The following CMYA5 variants were observed in gnomAD, a reference collection of about 807,000 sequenced individuals.
CMYA5 encodes cardiomyopathy-associated protein 5.
Under a neutral mutation model 318.9 loss-of-function variants are expected in CMYA5, and 246 were observed. The observed-to-expected ratio is 0.77, with a 90% CI of 0.70 to 0.86. The LOEUF (loss-of-function observed/expected upper bound fraction) is 0.86. Among genes scored for constraint, CMYA5 ranks in the 40% least tolerant of loss-of-function variants. The pLI is 0.00. For synonymous variants in CMYA5, 1,641 were observed against 1,729.5 expected (o/e 0.95, Z 1.27); for missense variants, 4,589 against 4,678.2 (o/e 0.98, Z 0.56).
rs151168892 is a variant in CMYA5, at chr5:79,704,279, G to C, written c.149+14223G>C. Among the ~76,000 whole-genome samples, 62 of 151,848 alleles carry C rather than the reference G, an allele frequency of 4.1e-4. 1 individual carries two copies. The East Asian group carries it at 0.012, about 29-fold the overall frequency. On this transcript the variant is annotated intron_variant, in intron 1 of 12. Coordinates refer to ENST00000446378, the MANE Select transcript of CMYA5 (RefSeq NM_153610.5). ...AGGAATCCCAGAGTGTAGAAGGGTG[G>C]GGAGGTGACAATCCATAGGGAAAGG...
chr5:79,700,043 T>C (rs546226910), intron 1 of CMYA5, among the ~76,000 whole-genome samples: 1 of 152,368 alleles, frequency 6.6e-6, no homozygotes, highest in South Asian at 2.1e-4. Context: ...TCTGAATAAC[T>C]GACTGGAATC....
intron 1 of CMYA5, among the ~76,000 whole-genome samples, chr5:79,713,529 G>A (rs1417494209): frequency 6.6e-6 from 1 of 151,986 alleles, no homozygotes; most frequent in African/African-American, 2.4e-5. Context: ...GGAGAATTTA[G>A]TGGTTGAGTT....
intron 5 of CMYA5, among the ~76,000 whole-genome samples, chr5:79,747,402 A>G (rs1245374251): frequency 6.6e-6 from 1 of 152,228 alleles, no homozygotes; most frequent in Non-Finnish European, 1.5e-5. Flanking sequence ...GTCACTGCAT[A>G]TAGAACATTT....
At chr5:79,770,565 C>T (rs1828836880) in intron 9 of CMYA5, among the ~76,000 whole-genome samples, 4 of 152,172 alleles carry the variant, frequency 2.6e-5, no homozygotes, top group Admixed American at 2.0e-4. Context: ...CCTTGTGCTT[C>T]CCGGGTGAGG....
chr5:79,794,671 A>G (rs1276164537), intron 12 of CMYA5, among the ~76,000 whole-genome samples: 1 of 152,260 alleles, frequency 6.6e-6, no homozygotes, highest in East Asian at 1.9e-4. Context: ...ACGGTAAAGT[A>G]TCATACAAAT....
At chr5:79,704,947 AC>A in intron 1 of CMYA5, among the ~76,000 whole-genome samples, 1 of 152,222 alleles carries the variant, frequency 6.6e-6, no homozygotes, top group African/African-American at 2.4e-5. Context: ...AAGTGCCTTA[AC>A]CCCTTCTTAA....
In CMYA5 at chr5:79,738,321, C is replaced by G. The variant is rs1389174431; in HGVS notation, c.9556C>G (p.Pro3186Ala). 14 of 1,613,418 alleles carry G rather than the reference C, an allele frequency of 8.7e-6. No homozygotes were observed. Among genetic ancestry groups the G allele is most frequent in the Non-Finnish European group, 1.2e-5 (14 of 1,179,768 alleles). Reference protein sequence around the residue: ...KVIDPEFLEEPPALAFLYKDL... With the variant: ...KVIDPEFLEEAPALAFLYKDL... ...CATTGATCCAGAATTTCTGGAGGAG[C>G]CACCTGCACTTGCATTTTTATATAA... The change falls in exon 2 of 13, where the codon CCA (proline) becomes GCA (alanine). Residue 3186 changes from proline (P) to alanine (A), a missense_variant. Physicochemically the swap from Pro to Ala is conservative, Grantham distance 27. This residue lies in a region of CMYA5 where 2,431 missense variants were observed against 2,495.1 expected (regional missense o/e 0.97). Transcript: ENST00000446378.
chr5:79,705,886 G>T (rs910010344), intron 1 of CMYA5, among the ~76,000 whole-genome samples: 11 of 152,118 alleles, frequency 7.2e-5, no homozygotes, highest in Non-Finnish European at 1.6e-4. Flanking sequence ...ACCTGTGGGG[G>T]TAAATGAGAA....
Position 79,734,257 on chromosome 5 carries a change from A to G in CMYA5, c.5492A>G (p.Asp1831Gly). 6.2e-7 allele frequency: 1 copy of G among 1,613,608 alleles called. No individual in the cohort carries two copies. The highest frequency in any genetic ancestry group is 1.1e-5 in the South Asian group (1 of 90,982). ...AAGACAGAAAAAGCACTTCATTCAG[A>G]TCAAACTGTTAAATTACCTGATGTA... Reference protein sequence around the residue: ...QKKTEKALHSDQTVKLPDVST... With the variant: ...QKKTEKALHSGQTVKLPDVST... The change falls in exon 2 of 13, where the codon GAT becomes GGT. Residue 1831 changes from aspartate to glycine, a missense_variant. By Grantham distance (94) the Asp-to-Gly change is moderately conservative. Coordinates refer to ENST00000446378, the MANE Select transcript of CMYA5 (RefSeq NM_153610.5).
chr5:79,777,455 C>A (rs1307726980), intron 9 of CMYA5, among the ~76,000 whole-genome samples: 64 of 152,100 alleles, frequency 4.2e-4, no homozygotes, highest in Non-Finnish European at 1.5e-5. Flanking sequence ...CATATCAATA[C>A]ATATGAAACT....
In CMYA5 at chr5:79,689,944, T is replaced by C. The variant is rs528298061; in HGVS notation, c.37T>C (p.Phe13Leu). ...SRDSNHAGES[F>L]LGSDGDEEAT... ...CGATAGCAACCACGCTGGCGAGAGC[T>C]TTCTCGGCTCCGACGGGGACGAGGA... Residue 13 changes from phenylalanine to leucine, a missense_variant, in exon 1 of 13, where the codon TTT becomes CTT. Phe to Leu is a conservative substitution (Grantham distance 22). Transcript: ENST00000446378. The C allele has an allele frequency of 2.3e-5, 24 of 1,052,108 alleles. No homozygotes were observed. The African/African-American group carries it at 3.7e-4, about 16-fold the overall frequency. 65.2% of individuals were successfully genotyped at this position (1,052,108 alleles called of 1,614,324 possible).
At position 79,732,020 on chromosome 5, in the gene CMYA5, TA is replaced by T. The variant is rs1468940102; in HGVS notation, c.3258del (p.Lys1086AsnfsTer34). Reference sequence around the variant, plus strand: ...ACTTAAGTCTGCCGCCTTCAACAGATAAATCAGAGAAAGCAGAAATTAAGCC... The same window carrying T: ...ACTTAAGTCTGCCGCCTTCAACAGATAATCAGAGAAAGCAGAAATTAAGCC... ...EDLSLPPSTD[K>X]SEKAEIKPEI... On this transcript the variant is annotated frameshift_variant, in exon 2 of 13. Transcript: ENST00000446378. LOFTEE classifies it high-confidence loss of function. The T allele has an allele frequency of 6.2e-7, 1 of 1,613,942 alleles. No homozygotes were observed. The highest frequency in any genetic ancestry group is 1.6e-4 in the Middle Eastern group (1 of 6,062).
chr5:79,778,386 T>C (rs890499031), intron 9 of CMYA5, among the ~76,000 whole-genome samples: 1 of 152,218 alleles, frequency 6.6e-6, no homozygotes, highest in Non-Finnish European at 1.5e-5. Context: ...ACTAGTAGTG[T>C]ATAAGAGTGC....
chr5:79,763,870 G>A (rs1049483058), intron 9 of CMYA5, among the ~76,000 whole-genome samples: 12 of 152,190 alleles, frequency 7.9e-5, no homozygotes, highest in African/African-American at 2.7e-4. Flanking sequence ...GTACCATGAT[G>A]CATATTCAGA....
In CMYA5 at chr5:79,745,281, G is replaced by T. The variant is rs7725531; in HGVS notation, c.10794G>T (p.Lys3598Asn). Reference protein sequence around the residue: ...LEEQNEEMMKKVLAQYDEKAQ... With the variant: ...LEEQNEEMMKNVLAQYDEKAQ... The stretch of plus-strand genomic sequence containing the variant: ...AACAGAATGAGGAAATGATGAAGAA[G>T]GTTTTAGCACAGTATGATGAGAAAG... Residue 3598 changes from lysine (K) to asparagine (N), a missense_variant, in exon 4 of 13, where the codon AAG becomes AAT. Transcript: ENST00000446378. The T allele has an allele frequency of 6.2e-6, 10 of 1,612,452 alleles. No individual in the cohort carries two copies. The Admixed American group carries it at 1.7e-4, about 27-fold the overall frequency.
chr5:79,766,832 G>A (rs902704788), intron 9 of CMYA5, among the ~76,000 whole-genome samples: 3 of 152,142 alleles, frequency 2.0e-5, no homozygotes, highest in Non-Finnish European at 4.4e-5. Context: ...AATGAGTTAG[G>A]GAGGAGTCCT....
At chr5:79,790,048 TA>T (rs1580808460) in intron 10 of CMYA5, among the ~76,000 whole-genome samples, 1 of 152,224 alleles carries the variant, frequency 6.6e-6, no homozygotes, top group East Asian at 1.9e-4. Context: ...TATCTTATCC[TA>T]GACACAGAGC....
chr5:79,761,727 A>G (rs1828655045), intron 7 of CMYA5, 84 bp from the exon 8 acceptor site: 2 of 1,433,596 alleles, frequency 1.4e-6, no homozygotes, highest in Admixed American at 4.8e-5. Flanking sequence ...CACTGAAAGA[A>G]AATCATAGAT....
chr5:79,733,692 A>T lies in CMYA5; in HGVS notation c.4927A>T (p.Ser1643Cys). Residue 1643 changes from serine to cysteine, a missense_variant, in exon 2 of 13, where the codon AGT becomes TGT. Ser to Cys is a moderately radical substitution (Grantham distance 112). Coordinates refer to ENST00000446378, the MANE Select transcript of CMYA5 (RefSeq NM_153610.5). ...ELPNAGSEFS[S>C]DLGRQSGSIG... ...ACCAAATGCTGGGTCAGAATTTTCT[A>T]GTGATTTAGGTAGACAAAGTGGATC... 1 of 1,613,934 alleles carries T rather than the reference A, an allele frequency of 6.2e-7. No homozygotes were observed. The highest frequency in any genetic ancestry group is 8.5e-7 in the Non-Finnish European group (1 of 1,179,844).
Sources: allele counts gnomAD v4.1 joint callset (sites outside exome capture counted in the v4.1 genomes callset), GRCh38; gene constraint gnomAD v4.1.1; regional missense constraint gnomAD v4.1.1; transcripts MANE v1.5; gene names NCBI Gene and HGNC (gene_info 2026-07-23, HGNC 2026-07-21).